Variants in CDCP2 observed in about 807,000 individuals in gnomAD.
CDCP2 encodes the protein CUB domain containing protein 2.
Under a neutral mutation model 31.0 loss-of-function variants are expected in CDCP2, and 31 were observed. That is an observed-to-expected ratio of 1.00 (90% CI 0.75 to 1.35). CDCP2 has a LOEUF of 1.35. Ranked by LOEUF, CDCP2 falls within the 40% of genes most tolerant of loss-of-function variation. The probability of loss-of-function intolerance (pLI) is 0.00; values close to 1 mark genes in which losing one functional copy is unlikely to be tolerated. For synonymous variants in CDCP2, 206 were observed against 207.9 expected (o/e 0.99, Z 0.08); for missense variants, 443 against 482.6 (o/e 0.92, Z 0.77).
At chr1:54,138,929 G>T (rs634218) in intron 4 of CDCP2, 6,925 of 154,064 alleles carry the variant, frequency 0.045, 272 homozygotes, top group African/African-American at 0.1. Context: ...AGACAAGGAA[G>T]GGTGGGAGGA....
chr1:54,147,413 G>C (rs777475764), intron 1 of CDCP2, among the ~76,000 whole-genome samples: 1 of 151,798 alleles, frequency 6.6e-6, no homozygotes, highest in Admixed American at 6.6e-5. Context: ...GTCGGCCCAG[G>C]CTGGAGTGCA....
chr1:54,140,112 TG>T lies in CDCP2; in HGVS notation c.764-7del. The T allele has an allele frequency of 6.2e-7, 1 of 1,611,810 alleles. No homozygotes were observed. The highest frequency in any genetic ancestry group is 2.2e-5 in the East Asian group (1 of 44,850). Reference sequence around the variant, plus strand: ...GTATACCTCCTGGCATTCTCCTGGATGGGGGATGGGGAGGTGGAAGGAGCAA... The same window carrying T: ...GTATACCTCCTGGCATTCTCCTGGATGGGGATGGGGAGGTGGAAGGAGCAA... On this transcript the variant is annotated splice_polypyrimidine_tract_variant and splice_region_variant and intron_variant, in intron 3 of 5. Coordinates refer to ENST00000530059, the Ensembl canonical transcript of CDCP2.
chr1:54,141,620 A>G (rs1557707117), intron 2 of CDCP2, 187 bp from the exon 3 acceptor site: 2 of 560,482 alleles, frequency 3.6e-6, no homozygotes, highest in East Asian at 2.9e-5. Flanking sequence ...TTTGGCACCT[A>G]TGCTGCCTGT....
exon 2 of CDCP2, chr1:54,144,801 C>A: frequency 6.2e-7 from 1 of 1,609,776 alleles, no homozygotes; most frequent in South Asian, 1.1e-5. Context: ...GAGCACACCC[C>A]CACATTTGAC....
intron 2 of CDCP2, chr1:54,144,218 T>G: frequency 2.3e-6 from 1 of 434,960 alleles, no homozygotes; most frequent in Middle Eastern, 6.2e-4. Context: ...TGCTTTTGCC[T>G]TATAAACTAT....
intron 1 of CDCP2, among the ~76,000 whole-genome samples, chr1:54,147,916 G>A (rs1659503838): frequency 6.6e-6 from 1 of 151,516 alleles, no homozygotes; most frequent in African/African-American, 2.4e-5. Flanking sequence ...GGAGGCTGAG[G>A]CAGGAGGATT....
downstream of CDCP2, chr1:54,132,768 A>G (rs1457270215): frequency 2.5e-6 from 1 of 396,120 alleles, no homozygotes; most frequent in African/African-American, 2.1e-5. Context: ...CAAAGCTCTT[A>G]TCCATCTCTG....
rs753051915 is a variant in CDCP2, at chr1:54,141,167, C to T, written c.694G>A (p.Glu232Lys). 87 of 1,573,056 alleles carry T rather than the reference C, an allele frequency of 5.5e-5. No homozygotes were observed. The highest frequency in any genetic ancestry group is 1.7e-4 in the Middle Eastern group (1 of 5,876). The change falls in exon 3 of 6, where the codon GAA becomes AAA. Residue 232 changes from glutamate to lysine, a missense_variant. By Grantham distance (56) the Glu-to-Lys change is moderately conservative. Coordinates refer to ENST00000530059, the Ensembl canonical transcript of CDCP2. ...TCGGACTTGAAGACCACCTGCAGTT[C>T]GTGGCCCAGAGACACGAGGGTGGGG...
At chr1:54,146,706 G>A (rs1659477805) in intron 1 of CDCP2, among the ~76,000 whole-genome samples, 1 of 151,776 alleles carries the variant, frequency 6.6e-6, no homozygotes, top group Non-Finnish European at 1.5e-5. Context: ...TCTGGTACCA[G>A]GTTTAATACA....
At chr1:54,135,510 A>G (rs1159114187) in intron 5 of CDCP2, among the ~76,000 whole-genome samples, 1 of 152,078 alleles carries the variant, frequency 6.6e-6, no homozygotes, top group Non-Finnish European at 1.5e-5. Flanking sequence ...TGTGGATCTG[A>G]GTTCTGGTGG....
rs1368223081 is a variant in CDCP2 at position 54,141,750 on chromosome 1, C to A, written c.428-317G>T. The A allele has an allele frequency of 5.8e-5, 14 of 243,194 alleles. 1 individual carries two copies. In the East Asian group the frequency reaches 1.1e-3, roughly 20 times the overall value. The allele number at this position is 243,194 out of a possible 1,614,324, so 15.1% of individuals were successfully genotyped here. A position where few individuals can be genotyped will look rare whatever the true frequency, so the allele number is the denominator to read the frequency against. On this transcript the variant is annotated intron_variant, in intron 2 of 5. Coordinates refer to ENST00000530059, the Ensembl canonical transcript of CDCP2. ...TTGAGTTTGAGTTCACCCAGGCAGA[C>A]CTTGAGATAAGGATTTGAGTGCAAG...
chr1:54,142,108 C>T (rs185367276), intron 2 of CDCP2: 2 of 152,300 alleles, frequency 1.3e-5, no homozygotes, highest in Non-Finnish European at 2.9e-5. Context: ...GCAGGTCACC[C>T]GACTGGTAAC....
rs540022676 is a variant in CDCP2, at chr1:54,150,228, G to C, written c.79+2616C>G. Among the ~76,000 whole-genome samples the C allele has an allele frequency of 5.3e-5, 8 of 152,350 alleles. No homozygotes were observed. The South Asian group carries it at 1.0e-3, about 20-fold the overall frequency. ...TTCCTTTCTGGTCCCTTGACTGGGA[G>C]GGGGAGCCCTGGGGGTGGAACAAGG... On this transcript the variant is annotated intron_variant, in intron 1 of 5. Transcript: ENST00000530059.
intron 1 of CDCP2, among the ~76,000 whole-genome samples, chr1:54,148,962 G>A (rs1364715901): frequency 7.2e-6 from 1 of 138,400 alleles, no homozygotes; most frequent in East Asian, 2.0e-4. Flanking sequence ...CAAATGAATT[G>A]TTTAAAAAAA....
At chr1:54,138,434 C>T (rs909506209) in intron 4 of CDCP2, 1 of 152,302 alleles carries the variant, frequency 6.6e-6, no homozygotes, top group Non-Finnish European at 1.5e-5. Flanking sequence ...ACGGCTCTGC[C>T]GCAAGCTTGC....
exon 3 of CDCP2, chr1:54,141,193 G>A (rs1335662207): frequency 6.3e-7 from 1 of 1,599,234 alleles, no homozygotes. Flanking sequence ...GAGGGTGGGG[G>A]GCCTGGTGCT....
intron 2 of CDCP2, chr1:54,142,940 C>T (rs1458199678): frequency 6.6e-6 from 1 of 152,146 alleles, no homozygotes; most frequent in Non-Finnish European, 1.5e-5. Flanking sequence ...ATATCTTTAA[C>T]AAGATATTAA....
chr1:54,136,787 C>T, exon 5 of CDCP2: 1 of 399,308 alleles, frequency 2.5e-6, no homozygotes, highest in Non-Finnish European at 4.4e-6. Context: ...CGTGCGGGAG[C>T]AGCTCACGTT....
In CDCP2 at chr1:54,149,402, G is replaced by A. The variant is rs75053251; in HGVS notation, c.79+3442C>T. 7.3e-4 allele frequency among the ~76,000 whole-genome samples: 110 copies of A among 150,548 alleles called. 1 individual carries two copies. The East Asian group carries it at 0.02, about 27-fold the overall frequency. ...CTCCACACCTCCCAGAATGGGGCTG[G>A]GGTGGGATAAAAGAAACAAGAAAGG... is the stretch of plus-strand genomic sequence containing the variant. On this transcript the variant is annotated intron_variant, in intron 1 of 5. Transcript: ENST00000530059.
Sources: gnomAD v4.1 joint callset for allele counts (sites outside exome capture counted in the v4.1 genomes callset) on GRCh38, gnomAD v4.1.1 for gene constraint, MANE v1.5 for transcripts, NCBI Gene and HGNC (gene_info 2026-07-23, HGNC 2026-07-21) for gene names.